Variants in SLC39A10 observed in about 807,000 individuals in gnomAD.
SLC39A10 encodes the protein solute carrier family 39 member 10.
A neutral mutation model predicts 65.1 loss-of-function variants in SLC39A10; 13 were observed. The ratio of observed to expected loss-of-function variants is 0.20; its 90% CI spans 0.13 to 0.32. SLC39A10 has a LOEUF of 0.32. Ranked by LOEUF, SLC39A10 falls within the 10% of genes least tolerant of loss-of-function variation. The probability of loss-of-function intolerance (pLI) is 1.00; values close to 1 mark genes in which losing one functional copy is unlikely to be tolerated. For synonymous variants in SLC39A10, 321 were observed against 342.2 expected (o/e 0.94, Z 0.68); for missense variants, 831 against 1,018.4 (o/e 0.82, Z 2.50).
Position 195,680,903 on chromosome 2 carries a change from T to G in SLC39A10, c.861T>G (p.Gly287=). 2 of 1,614,122 alleles carry G rather than the reference T, an allele frequency of 1.2e-6. No homozygotes were observed. The highest frequency in any genetic ancestry group is 8.5e-7 in the Non-Finnish European group (1 of 1,180,018). ...ATGTACATCTTCCAGAACGTAATGG[T>G]CATGATCCTGGTCGTGGACACCAAG... ...HSHVHLPERN[G]HDPGRGHQDL... The change falls in exon 2 of 10, where the codon GGT becomes GGG. Residue 287 remains glycine, a synonymous_variant. Transcript: ENST00000359634.
chr2:195,628,787 C>G (rs1688522928), intron 2 of SLC39A10, among the ~76,000 whole-genome samples: 1 of 152,150 alleles, frequency 6.6e-6, no homozygotes, highest in Non-Finnish European at 1.5e-5. Flanking sequence ...CTTGAATCTT[C>G]TTTACATTCT....
chr2:195,719,027 A>T (rs770952662), intron 8 of SLC39A10, among the ~76,000 whole-genome samples: 6 of 152,010 alleles, frequency 3.9e-5, no homozygotes, highest in Non-Finnish European at 8.8e-5. Flanking sequence ...ATACTCAAAA[A>T]ATAATCTTTA....
At chr2:195,714,872 C>T (rs1691730991) in intron 6 of SLC39A10, among the ~76,000 whole-genome samples, 1 of 152,110 alleles carries the variant, frequency 6.6e-6, no homozygotes, top group Non-Finnish European at 1.5e-5. Context: ...CCTGCCTCAG[C>T]CTCCCGAGTA....
chr2:195,619,475 A>G (rs1688302390), intron 2 of SLC39A10, among the ~76,000 whole-genome samples: 6 of 152,222 alleles, frequency 3.9e-5, no homozygotes, highest in Admixed American at 3.3e-4. Context: ...TCGGTTTCAG[A>G]TATCAATACT....
At chr2:195,706,559 G>T in intron 3 of SLC39A10, 57 bp from the exon 4 acceptor site, 2 of 1,445,736 alleles carry the variant, frequency 1.4e-6, no homozygotes, top group African/African-American at 1.4e-5. Flanking sequence ...ATTCTTTTTG[G>T]TAGTCTGTTG....
intron 2 of SLC39A10, among the ~76,000 whole-genome samples, chr2:195,627,683 A>G (rs796936448): frequency 6.6e-6 from 1 of 152,210 alleles, no homozygotes; most frequent in South Asian, 2.1e-4. Flanking sequence ...TGTATAATAC[A>G]AAGTGAGACT....
At chr2:195,719,795 T>G (rs181148522) in intron 8 of SLC39A10, among the ~76,000 whole-genome samples, 7 of 151,166 alleles carry the variant, frequency 4.6e-5, no homozygotes, top group African/African-American at 9.7e-5. Flanking sequence ...ATTTTTGTTT[T>G]TTTTTTTTTT....
At chr2:195,662,442 T>G (rs1256416662) in intron 1 of SLC39A10, among the ~76,000 whole-genome samples, 1 of 150,566 alleles carries the variant, frequency 6.6e-6, no homozygotes, top group African/African-American at 2.5e-5. Context: ...AGCTAATGTT[T>G]TGTATTTTTT....
chr2:195,715,480 C>G (rs1222066937), intron 6 of SLC39A10, among the ~76,000 whole-genome samples: 1 of 143,262 alleles, frequency 7.0e-6, no homozygotes, highest in African/African-American at 2.6e-5. Context: ...GAGCCAAGAT[C>G]GCGCCATTGC....
intron 3 of SLC39A10, among the ~76,000 whole-genome samples, chr2:195,684,522 T>C (rs911614367): frequency 2.0e-5 from 3 of 152,108 alleles, no homozygotes; most frequent in South Asian, 2.1e-4. Context: ...TCAAAACTTA[T>C]ACTCCACACA....
At chr2:195,678,476 A>G (rs746844031) in intron 1 of SLC39A10, among the ~76,000 whole-genome samples, 62 of 150,252 alleles carry the variant, frequency 4.1e-4, no homozygotes, top group South Asian at 1.0e-3. Flanking sequence ...TGTAATTTTC[A>G]TATTGATTTA....
At chr2:195,688,881 C>T (rs1163537109) in intron 3 of SLC39A10, among the ~76,000 whole-genome samples, 4 of 152,180 alleles carry the variant, frequency 2.6e-5, no homozygotes, top group Non-Finnish European at 5.9e-5. Flanking sequence ...TAGAGATACT[C>T]TTTTGCCTGT....
chr2:195,642,240 G>A (rs142807011), intron 2 of SLC39A10, among the ~76,000 whole-genome samples: 3 of 152,256 alleles, frequency 2.0e-5, no homozygotes, highest in East Asian at 1.9e-4. Flanking sequence ...CTTAACCAGC[G>A]GAGTAACTTG....
At position 195,713,465 on chromosome 2, in the gene SLC39A10, A is replaced by C. The variant is rs773780505; in HGVS notation, c.1608A>C (p.Thr536=). The change falls in exon 6 of 10, where the codon ACA becomes ACC. Residue 536 remains threonine (T), a synonymous_variant. Transcript: ENST00000359634. ...AGAAATGGTTTATGAAACAGAACACAGAAGAATCAACTATTGGAAGAAAGC... is the reference window on the plus strand; with the variant it reads ...AGAAATGGTTTATGAAACAGAACACCGAAGAATCAACTATTGGAAGAAAGC... ...GKQKWFMKQN[T]EESTIGRKLS... is the part of the protein sequence containing the mutation. The C allele has an allele frequency of 1.9e-6, 3 of 1,578,374 alleles. No individual in the cohort carries two copies. The highest frequency in any genetic ancestry group is 4.1e-5 in the Admixed American group (2 of 48,566).
chr2:195,663,006 T>C (rs1363637415), intron 1 of SLC39A10, among the ~76,000 whole-genome samples: 1 of 152,348 alleles, frequency 6.6e-6, no homozygotes, highest in East Asian at 1.9e-4. Flanking sequence ...TTTATTATGC[T>C]TGGAGTCGGA....
rs66525117 is a variant in SLC39A10, at chr2:195,701,435, CTTTTTTTT to C, written c.1217-5163_1217-5156del. Among the ~76,000 whole-genome samples the C allele has an allele frequency of 1.6e-3, 9 of 5,492 alleles. No homozygotes were observed. The South Asian group carries it at 0.023, about 14-fold the overall frequency. The allele number at this position is 5,492 out of a possible 152,430, so 3.6% of individuals were successfully genotyped here. A position where few individuals can be genotyped will look rare whatever the true frequency, so the allele number is the denominator to read the frequency against. On this transcript the variant is annotated intron_variant, in intron 3 of 9. Coordinates refer to ENST00000359634, the MANE Select transcript of SLC39A10 (RefSeq NM_020342.3). ...TTTTTCAGGGACAGTTTCTGTGATT[CTTTTTTTT>C]TTTTTTTTTTTTTTTTTAATGTGCC...
intron 1 of SLC39A10, among the ~76,000 whole-genome samples, chr2:195,665,554 T>G (rs933981106): frequency 6.6e-6 from 1 of 152,180 alleles, no homozygotes; most frequent in African/African-American, 2.4e-5. Context: ...TGTGACATTA[T>G]TTTATTGGTT....
At chr2:195,636,617 G>T (rs1390835913) in intron 2 of SLC39A10, among the ~76,000 whole-genome samples, 5 of 152,160 alleles carry the variant, frequency 3.3e-5, no homozygotes, top group Non-Finnish European at 5.9e-5. Context: ...GTTGGGCGTG[G>T]TGGCGGGTGC....
In SLC39A10 at chr2:195,735,014, T is replaced by C. The variant is rs772571438; in HGVS notation, c.2469T>C (p.Asp823=). The change falls in exon 10 of 10, where the codon GAT becomes GAC. Residue 823 remains aspartate (D), a synonymous_variant. Transcript: ENST00000359634. ...AIMLVIALYE[D]KIVFDIQF is the part of the protein sequence containing the mutation. ...TGCTGGTGATTGCCCTCTATGAAGA[T>C]AAAATTGTGTTTGACATCCAGTTTT... The C allele has an allele frequency of 1.9e-6, 3 of 1,610,572 alleles. No homozygotes were observed. Among genetic ancestry groups the C allele is most frequent in the South Asian group, 2.2e-5 (2 of 90,016 alleles).
Sources: gnomAD v4.1 joint callset for allele counts (sites outside exome capture counted in the v4.1 genomes callset) on GRCh38, gnomAD v4.1.1 for gene constraint, MANE v1.5 for transcripts, NCBI Gene and HGNC (gene_info 2026-07-23, HGNC 2026-07-21) for gene names.